The following PDE4D variants were observed in gnomAD, a reference collection of about 807,000 sequenced individuals.
The protein encoded by PDE4D is 3',5'-cyclic-AMP phosphodiesterase 4D.
Under a neutral mutation model 87.4 loss-of-function variants are expected in PDE4D, and 24 were observed. The observed-to-expected ratio is 0.27, with a 90% CI of 0.20 to 0.39. PDE4D has a LOEUF of 0.39. Among genes scored for constraint, PDE4D ranks in the 10% least tolerant of loss-of-function variants. The probability of loss-of-function intolerance (pLI) is 1.00; values close to 1 mark genes in which losing one functional copy is unlikely to be tolerated. For missense variants in PDE4D, 714 were observed against 1,041.0 expected (o/e 0.69, Z 4.32); for synonymous variants, 384 against 383.2 (o/e 1.00, Z -0.02).
chr5:59,765,143 T>C (rs1762628067), intron 1 of PDE4D, among the ~76,000 whole-genome samples: 1 of 152,188 alleles, frequency 6.6e-6, no homozygotes, highest in Non-Finnish European at 1.5e-5. Context: ...GGCTTCATAA[T>C]GGAAGGGAGC....
At chr5:60,421,595 G>T (rs1305229550) in intron 1 of PDE4D, among the ~76,000 whole-genome samples, 2 of 152,190 alleles carry the variant, frequency 1.3e-5, no homozygotes, top group Non-Finnish European at 2.9e-5. Context: ...AGAAACCAGT[G>T]CAGAAAATTT....
intron 1 of PDE4D, among the ~76,000 whole-genome samples, chr5:59,407,156 G>A (rs995661914): frequency 6.6e-6 from 1 of 152,152 alleles, no homozygotes; most frequent in Non-Finnish European, 1.5e-5. Flanking sequence ...TGAGTCATGG[G>A]AGTGGTTCCC....
intron 5 of PDE4D, among the ~76,000 whole-genome samples, chr5:59,147,692 A>G (rs75498401): frequency 0.022 from 3,408 of 152,304 alleles, 136 homozygotes; most frequent in African/African-American, 0.078. Flanking sequence ...TGTTTCCACA[A>G]TCTTAAACTG....
At chr5:59,004,119 T>A (rs995044931) in intron 6 of PDE4D, among the ~76,000 whole-genome samples, 24 of 150,430 alleles carry the variant, frequency 1.6e-4, no homozygotes, top group African/African-American at 5.8e-4. Flanking sequence ...ATAGGCTAAA[T>A]ACTCCCTACA....
At chr5:59,636,958 T>C (rs1206263281) in intron 1 of PDE4D, among the ~76,000 whole-genome samples, 2 of 152,024 alleles carry the variant, frequency 1.3e-5, no homozygotes, top group African/African-American at 4.8e-5. Context: ...ATCATCAGAG[T>C]GAACAGGCTA....
intron 1 of PDE4D, among the ~76,000 whole-genome samples, chr5:59,819,785 G>A (rs1226617416): frequency 6.6e-6 from 1 of 152,230 alleles, no homozygotes; most frequent in Non-Finnish European, 1.5e-5. Flanking sequence ...GAAATTAAGT[G>A]GGAGAGGAGG....
chr5:60,016,615 C>T (rs1272599173), intron 2 of PDE4D, among the ~76,000 whole-genome samples: 2 of 152,124 alleles, frequency 1.3e-5, no homozygotes, highest in African/African-American at 4.8e-5. Flanking sequence ...ATTCTAAAAC[C>T]TTTGCTGCTA....
intron 1 of PDE4D, among the ~76,000 whole-genome samples, chr5:59,806,590 G>A (rs752501465): frequency 6.6e-6 from 1 of 152,136 alleles, no homozygotes; most frequent in Admixed American, 6.5e-5. Context: ...TTGCATTACT[G>A]TGAAATTAAT....
chr5:59,324,405 C>T (rs774820454), intron 1 of PDE4D, among the ~76,000 whole-genome samples: 15 of 152,122 alleles, frequency 9.9e-5, no homozygotes, highest in Non-Finnish European at 8.8e-5. Context: ...ATGAGGGAAA[C>T]CTGATTGTCT....
intron 5 of PDE4D, among the ~76,000 whole-genome samples, chr5:59,083,228 C>G (rs1055833983): frequency 4.0e-5 from 6 of 151,796 alleles, no homozygotes; most frequent in Admixed American, 3.3e-4. Flanking sequence ...AAGTTTGATA[C>G]CTTTGAAAGA....
At chr5:60,508,035 G>A (rs1691067535) in intron 1 of PDE4D, among the ~76,000 whole-genome samples, 1 of 152,320 alleles carries the variant, frequency 6.6e-6, no homozygotes, top group Non-Finnish European at 1.5e-5. Context: ...TTGGTTTTCA[G>A]TTCTAGCTCT....
intron 1 of PDE4D, among the ~76,000 whole-genome samples, chr5:59,539,504 C>T (rs879326929): frequency 1.5e-4 from 23 of 152,134 alleles, no homozygotes; most frequent in Admixed American, 7.9e-4. Context: ...TATCTGTCTA[C>T]CCATTTCTCT....
chr5:60,018,271 T>A (rs941435886), intron 2 of PDE4D, among the ~76,000 whole-genome samples: 2 of 151,498 alleles, frequency 1.3e-5, no homozygotes, highest in Non-Finnish European at 2.9e-5. Context: ...AGAAATAAAA[T>A]CCTTTTTAAA....
At chr5:60,463,153 C>G (rs1305809881) in intron 1 of PDE4D, among the ~76,000 whole-genome samples, 1 of 152,086 alleles carries the variant, frequency 6.6e-6, no homozygotes, top group Admixed American at 6.6e-5. Flanking sequence ...TTGTGGATGG[C>G]CTTTTCTGGA....
intron 1 of PDE4D, among the ~76,000 whole-genome samples, chr5:60,399,820 T>G (rs1469059943): frequency 6.6e-6 from 1 of 152,234 alleles, no homozygotes; most frequent in East Asian, 1.9e-4. Flanking sequence ...CTGGCTTCCC[T>G]TTTTCCCCAC....
At chr5:59,689,293 C>A (rs914135447) in intron 1 of PDE4D, among the ~76,000 whole-genome samples, 32 of 152,140 alleles carry the variant, frequency 2.1e-4, no homozygotes, top group African/African-American at 7.0e-4. Context: ...ACCAATATCC[C>A]TGATGAACAT....
chr5:59,272,449 T>A (rs1430548329), intron 1 of PDE4D, among the ~76,000 whole-genome samples: 1 of 152,124 alleles, frequency 6.6e-6, no homozygotes, highest in Non-Finnish European at 1.5e-5. Flanking sequence ...CAAACAATTC[T>A]GCAATCAATG....
intron 11 of PDE4D, among the ~76,000 whole-genome samples, chr5:58,987,156 C>G (rs1746639814): frequency 6.7e-6 from 1 of 148,680 alleles, no homozygotes; most frequent in Admixed American, 6.6e-5. Context: ...CATAATGAAC[C>G]CTCCCCACTG....
chr5:60,103,781 T>C (rs1776509882), intron 2 of PDE4D, among the ~76,000 whole-genome samples: 1 of 151,822 alleles, frequency 6.6e-6, no homozygotes, highest in Non-Finnish European at 1.5e-5. Context: ...TATAAAATAT[T>C]AACAGGGAAA....
Sources: allele counts gnomAD v4.1 joint callset (sites outside exome capture counted in the v4.1 genomes callset), GRCh38; gene constraint gnomAD v4.1.1; transcripts MANE v1.5; gene names NCBI Gene and HGNC (gene_info 2026-07-23, HGNC 2026-07-21).